MDH2: variants seen among roughly 807,000 people sequenced by gnomAD.
The protein encoded by MDH2 is malate dehydrogenase, mitochondrial.
MDH2 carries 25 observed loss-of-function variants against 33.6 expected under a neutral mutation model. That is an observed-to-expected ratio of 0.74 (90% confidence interval 0.54 to 1.04). The LOEUF is 1.04. MDH2 is among the 50% of genes least tolerant of loss of function. The pLI, the probability that MDH2 is intolerant of heterozygous loss-of-function variation, is 0.00. For synonymous variants in MDH2, 193 were observed against 188.7 expected, an observed-to-expected ratio of 1.02 and a Z score of -0.19; for missense variants, 432 against 445.0, an observed-to-expected ratio of 0.97 and a Z score of 0.26.
At chr7:76,055,080 A>C in intron 2 of MDH2, 82 bp downstream of exon 2, 1 of 1,454,312 alleles carries the variant, frequency 6.9e-7, no homozygotes, top group Admixed American at 2.4e-5. Context: ...TTCTTAGATG[A>C]AACTAAATGT....
At chr7:76,059,793 G>T (rs1797893110) in intron 4 of MDH2, among the ~76,000 whole-genome samples, 2 of 152,196 alleles carry the variant, frequency 1.3e-5, no homozygotes, top group Non-Finnish European at 2.9e-5. Flanking sequence ...CCTTTGTTGG[G>T]GAGCTAACCA....
At chr7:76,062,545 A>T (rs920211733) in intron 5 of MDH2, among the ~76,000 whole-genome samples, 1 of 152,152 alleles carries the variant, frequency 6.6e-6, no homozygotes, top group Admixed American at 6.5e-5. Context: ...TGGGCTCTTC[A>T]GTGGCCATGG....
At chr7:76,048,286 C>T (rs1434460879) in intron 1 of MDH2, 60 bp downstream of exon 1, 6 of 1,509,074 alleles carry the variant, frequency 4.0e-6, no homozygotes, top group Admixed American at 2.1e-5. Flanking sequence ...CACGTGCGTC[C>T]CCGGTTCGCG....
At chr7:76,050,350 A>G (rs1265084103) in intron 1 of MDH2, among the ~76,000 whole-genome samples, 7 of 152,210 alleles carry the variant, frequency 4.6e-5, no homozygotes, top group Non-Finnish European at 1.0e-4. Context: ...GTTTTACATC[A>G]GCCAGGGTAG....
chr7:76,049,239 C>T (rs1554584912), intron 1 of MDH2, among the ~76,000 whole-genome samples: 1 of 152,108 alleles, frequency 6.6e-6, no homozygotes, highest in African/African-American at 2.4e-5. Context: ...AGTCAAAAGG[C>T]GAGTTTAACT....
intron 8 of MDH2, 61 bp downstream of exon 8, chr7:76,065,014 G>A (rs976248182): frequency 1.3e-6 from 2 of 1,559,044 alleles, no homozygotes; most frequent in African/African-American, 2.8e-5. Flanking sequence ...CTTTGCTTAA[G>A]CCTCAGGAGC....
Position 76,058,064 on chromosome 7 carries a change from G to A in MDH2, c.415G>A (p.Val139Ile), listed in dbSNP as rs111879470. ...GCACTGCCCGGAAGCCATGATCTGC[G>A]TCATTGCCAATCCGGTGAGTGTGGC... ...AQHCPEAMIC[V>I]IANPVNSTIP... Residue 139 changes from valine to isoleucine, a missense_variant, in exon 4 of 9, where the codon GTC becomes ATC. Coordinates refer to ENST00000315758, the MANE Select transcript of MDH2 (RefSeq NM_005918.4). 4,791 of 1,613,088 alleles carry A rather than the reference G, an allele frequency of 3.0e-3. 14 individuals carry two copies. The highest frequency in any genetic ancestry group is 3.1e-3 in the Non-Finnish European group (3,658 of 1,179,948).
At chr7:76,058,246 C>A in intron 4 of MDH2, 168 bp downstream of exon 4, 1 of 615,482 alleles carries the variant, frequency 1.6e-6, no homozygotes, top group Non-Finnish European at 2.9e-6. Flanking sequence ...AGCAGAGGCC[C>A]GTCCGTGCAC....
rs538593027 is a variant in MDH2, at chr7:76,064,239, TGGGA to T, written c.634-94_634-91del. The T allele has an allele frequency of 3.5e-5, 26 of 744,686 alleles. No homozygotes were observed. In the African/African-American group the frequency reaches 4.3e-4, roughly 12 times the overall value. 46.1% of individuals were successfully genotyped at this position (744,686 alleles called of 1,614,324 possible). The stretch of plus-strand genomic sequence containing the variant: ...GAAAACCTTTCCCATGCCCTGGTGA[TGGGA>T]GGGAGAGGAGAGGTCGGGAATAGTG... On this transcript the variant is annotated intron_variant, in intron 6 of 8. Coordinates refer to ENST00000315758, the MANE Select transcript of MDH2 (RefSeq NM_005918.4).
chr7:76,062,245 C>T (rs945780662), intron 5 of MDH2, among the ~76,000 whole-genome samples: 1 of 152,262 alleles, frequency 6.6e-6, no homozygotes, highest in Non-Finnish European at 1.5e-5. Flanking sequence ...AGGCCAATGC[C>T]TTGTTCCCGT....
At chr7:76,053,751 C>G (rs1248398127) in intron 1 of MDH2, among the ~76,000 whole-genome samples, 2 of 152,174 alleles carry the variant, frequency 1.3e-5, no homozygotes, top group Non-Finnish European at 2.9e-5. Flanking sequence ...AGCTGCCTGC[C>G]TGCCTGCCTG....
intron 8 of MDH2, among the ~76,000 whole-genome samples, chr7:76,065,574 G>C (rs1554587753): frequency 6.6e-6 from 1 of 152,206 alleles, no homozygotes; most frequent in Non-Finnish European, 1.5e-5. Flanking sequence ...CTTGGTGAGA[G>C]ACAGGCACTC....
intron 1 of MDH2, among the ~76,000 whole-genome samples, chr7:76,052,758 C>A (rs1021927538): frequency 3.3e-5 from 5 of 152,120 alleles, no homozygotes; most frequent in African/African-American, 1.2e-4. Context: ...GTTGGCCAAG[C>A]TGGTCTCAAA....
intron 1 of MDH2, among the ~76,000 whole-genome samples, chr7:76,052,611 T>A (rs966446293): frequency 6.6e-6 from 1 of 150,816 alleles, no homozygotes; most frequent in African/African-American, 2.4e-5. Flanking sequence ...TCACCCAGGC[T>A]GGAGTGCAGT....
intron 1 of MDH2, chr7:76,049,108 A>G: frequency 1.0e-6 from 1 of 985,024 alleles, no homozygotes; most frequent in African/African-American, 1.7e-5. Flanking sequence ...TTAAAGGGGA[A>G]TCCAAATTTA....
intron 1 of MDH2, among the ~76,000 whole-genome samples, chr7:76,049,872 G>A (rs62475328): frequency 3.3e-5 from 5 of 152,098 alleles, no homozygotes; most frequent in Non-Finnish European, 5.9e-5. Context: ...TCGCCCTGTC[G>A]ACAGGCTGGA....
At chr7:76,059,730 C>T (rs536964987) in intron 4 of MDH2, among the ~76,000 whole-genome samples, 2 of 152,294 alleles carry the variant, frequency 1.3e-5, no homozygotes, top group East Asian at 1.9e-4. Flanking sequence ...AAGGGTCCTG[C>T]GTTCCCCAGA....
chr7:76,065,761 C>T lies in MDH2; in HGVS notation c.886-518C>T, dbSNP rs145467717. Among the ~76,000 whole-genome samples, 342 of 152,286 alleles carry T rather than the reference C, an allele frequency of 2.2e-3. 5 individuals are homozygous for T. The highest frequency in any genetic ancestry group is 6.8e-4 in the Non-Finnish European group (46 of 68,028). The stretch of plus-strand genomic sequence containing the variant: ...CTGTGCTCAGTTTCTGCAGGTGAGA[C>T]GGTGGCAGAGATGCCTGTTTTTGCC... On this transcript the variant is annotated intron_variant, in intron 8 of 8. Coordinates refer to ENST00000315758, the MANE Select transcript of MDH2 (RefSeq NM_005918.4).
chr7:76,061,358 A>G (rs1797944518), intron 5 of MDH2, among the ~76,000 whole-genome samples: 2 of 152,176 alleles, frequency 1.3e-5, no homozygotes, highest in Non-Finnish European at 2.9e-5. Context: ...TGTAACAGAC[A>G]TGGCAGCACG....
Sources: gnomAD v4.1 joint callset for allele counts (sites outside exome capture counted in the v4.1 genomes callset) on GRCh38, gnomAD v4.1.1 for gene constraint, MANE v1.5 for transcripts, NCBI Gene and HGNC (gene_info 2026-07-23, HGNC 2026-07-21) for gene names.